Variants in ROS1 observed in about 807,000 individuals in gnomAD.
The protein encoded by ROS1 is ROS proto-oncogene 1, receptor tyrosine kinase.
ROS1 carries 263 observed loss-of-function variants against 273.5 expected under a neutral mutation model. That is an observed-to-expected ratio of 0.96 (90% CI 0.87 to 1.06). The LOEUF (loss-of-function observed/expected upper bound fraction) is 1.06. Ranked by LOEUF, ROS1 falls within the 50% of genes least tolerant of loss-of-function variation. The pLI, the probability that ROS1 is intolerant of heterozygous loss-of-function variation, is 0.00. For missense variants in ROS1, 2,833 were observed against 2,751.1 expected (o/e 1.03, Z -0.67); for synonymous variants, 1,008 against 954.1 (o/e 1.06, Z -1.04).
intron 1 of ROS1, among the ~76,000 whole-genome samples, chr6:117,423,107 C>T (rs1455840666): frequency 6.6e-6 from 1 of 151,850 alleles, no homozygotes; most frequent in African/African-American, 2.4e-5. Flanking sequence ...GGGAGCAAAA[C>T]TATGAGAATG....
At chr6:117,329,499 T>C in intron 32 of ROS1, 53 bp from the exon 33 acceptor site, 2 of 838,264 alleles carry the variant, frequency 2.4e-6, no homozygotes, top group Non-Finnish European at 4.0e-6. Flanking sequence ...ATTAATCTTC[T>C]GCACTGAAAT....
intron 27 of ROS1, among the ~76,000 whole-genome samples, chr6:117,346,560 G>T (rs565605505): frequency 6.6e-6 from 1 of 151,814 alleles, no homozygotes; most frequent in African/African-American, 2.4e-5. Context: ...TTCAGATACT[G>T]CATGGACGTC....
At chr6:117,374,830 G>C (rs1781178155) in intron 18 of ROS1, among the ~76,000 whole-genome samples, 3 of 152,120 alleles carry the variant, frequency 2.0e-5, no homozygotes, top group East Asian at 1.9e-4. Flanking sequence ...GGTGAAGAGG[G>C]AACACTCTTA....
intron 16 of ROS1, among the ~76,000 whole-genome samples, chr6:117,384,980 C>G (rs912949342): frequency 3.3e-5 from 5 of 152,298 alleles, no homozygotes; most frequent in African/African-American, 1.2e-4. Flanking sequence ...TCCACTTCTT[C>G]CCCTTGCCTA....
At chr6:117,324,085 G>C (rs1273270835) in intron 35 of ROS1, among the ~76,000 whole-genome samples, 1 of 152,150 alleles carries the variant, frequency 6.6e-6, no homozygotes, top group Non-Finnish European at 1.5e-5. Flanking sequence ...GCCCTTGCAA[G>C]TAGTTTTATC....
chr6:117,353,295 A>C, intron 26 of ROS1, 129 bp from the exon 27 acceptor site: 1 of 655,218 alleles, frequency 1.5e-6, no homozygotes, highest in South Asian at 2.5e-5. Flanking sequence ...ACATTAAAAA[A>C]TACCTTTATT....
chr6:117,344,035 CAA>C, intron 28 of ROS1, 23 bp downstream of exon 28: 1 of 1,563,044 alleles, frequency 6.4e-7, no homozygotes, highest in Non-Finnish European at 8.8e-7. Context: ...TGTGAAAAGA[CAA>C]AGACCACTAG....
chr6:117,409,088 T>C (rs1477953065), intron 5 of ROS1, among the ~76,000 whole-genome samples: 1 of 147,116 alleles, frequency 6.8e-6, no homozygotes, highest in Admixed American at 6.7e-5. Context: ...GGTGGAGGGA[T>C]AGCATTAGGA....
intron 39 of ROS1, among the ~76,000 whole-genome samples, chr6:117,313,095 T>C (rs1775665352): frequency 6.6e-6 from 1 of 152,162 alleles, no homozygotes; most frequent in Non-Finnish European, 1.5e-5. Flanking sequence ...ACCTACCATG[T>C]AGCAAGTTCC....
chr6:117,310,325 T>C (rs1269000324), intron 40 of ROS1, 44 bp from the exon 41 acceptor site: 6 of 1,357,544 alleles, frequency 4.4e-6, no homozygotes, highest in Admixed American at 2.2e-5. Context: ...ATAACAACAA[T>C]AAAGTTCCAG....
chr6:117,328,671 G>A (rs1463266036), intron 33 of ROS1: 1 of 599,546 alleles, frequency 1.7e-6, no homozygotes, highest in African/African-American at 1.8e-5. Flanking sequence ...TGAGAGGAGT[G>A]TCTTTGGAAT....
At chr6:117,388,995 G>A (rs1772827078) in intron 13 of ROS1, among the ~76,000 whole-genome samples, 1 of 152,098 alleles carries the variant, frequency 6.6e-6, no homozygotes, top group African/African-American at 2.4e-5. Flanking sequence ...CAGAGTTTTA[G>A]GGAATTGCTG....
At chr6:117,294,990 G>A (rs978234675) in intron 43 of ROS1, among the ~76,000 whole-genome samples, 7 of 151,984 alleles carry the variant, frequency 4.6e-5, no homozygotes, top group South Asian at 4.2e-4. Context: ...CAAAAGACTC[G>A]GAATAGCCAA....
intron 9 of ROS1, among the ~76,000 whole-genome samples, chr6:117,395,698 C>T (rs1197882148): frequency 2.0e-5 from 3 of 151,924 alleles, no homozygotes; most frequent in Admixed American, 2.0e-4. Flanking sequence ...AGAAAGGGTG[C>T]TTACAAAATA....
intron 1 of ROS1, 111 bp downstream of exon 1, chr6:117,425,423 C>G (rs1776064495): frequency 9.0e-7 from 1 of 1,109,288 alleles, no homozygotes; most frequent in East Asian, 2.7e-5. Context: ...GTTGCCACCA[C>G]TTCTCATAAG....
At chr6:117,318,137 G>A (rs2128556701) in intron 38 of ROS1, 51 bp downstream of exon 38, 2 of 1,349,444 alleles carry the variant, frequency 1.5e-6, no homozygotes, top group Non-Finnish European at 2.1e-6. Flanking sequence ...AATAAGTCAA[G>A]CGGACTTAAA....
intron 27 of ROS1, among the ~76,000 whole-genome samples, chr6:117,346,446 TG>T (rs1355268939): frequency 6.6e-5 from 10 of 152,028 alleles, no homozygotes; most frequent in Non-Finnish European, 1.3e-4. Context: ...ATACTCTTAA[TG>T]AGTTCCAGTT....
chr6:117,342,259 A>G, intron 29 of ROS1, 141 bp downstream of exon 29: 9 of 782,896 alleles, frequency 1.1e-5, no homozygotes, highest in Admixed American at 3.0e-5. Flanking sequence ...AAAGTTTTCT[A>G]CAAACACATT....
At chr6:117,354,783 A>G (rs541948104) in intron 26 of ROS1, among the ~76,000 whole-genome samples, 2 of 152,370 alleles carry the variant, frequency 1.3e-5, no homozygotes, top group East Asian at 3.9e-4. Context: ...AAAGAAAAAA[A>G]TTATTCTGAC....
Sources: allele counts gnomAD v4.1 joint callset (sites outside exome capture counted in the v4.1 genomes callset), GRCh38; gene constraint gnomAD v4.1.1; transcripts MANE v1.5; gene names NCBI Gene and HGNC (gene_info 2026-07-23, HGNC 2026-07-21).